SLC14A2: variants seen among roughly 807,000 people sequenced by gnomAD.
The protein encoded by SLC14A2 is solute carrier family 14 member 2, also known as urea transporter 2.
SLC14A2 carries 91 observed loss-of-function variants against 104.6 expected under a neutral mutation model. The observed-to-expected ratio is 0.87, with a 90% confidence interval of 0.73 to 1.04. SLC14A2 has a LOEUF of 1.04. Ranked by LOEUF, SLC14A2 falls within the 50% of genes least tolerant of loss-of-function variation. SLC14A2 has a pLI of 0.00. For synonymous variants in SLC14A2, 476 were observed against 466.4 expected, an observed-to-expected ratio of 1.02 and a Z score of -0.27; for missense variants, 1,189 against 1,156.0, an observed-to-expected ratio of 1.03 and a Z score of -0.41.
At chr18:45,554,547 G>A (rs2044103920) in intron 2 of SLC14A2, among the ~76,000 whole-genome samples, 1 of 152,116 alleles carries the variant, frequency 6.6e-6, no homozygotes, top group Non-Finnish European at 1.5e-5. Flanking sequence ...CAGCTGGAAG[G>A]GATCACAGAG....
chr18:45,515,010 T>G (rs2043418217), intron 2 of SLC14A2, among the ~76,000 whole-genome samples: 1 of 152,158 alleles, frequency 6.6e-6, no homozygotes, highest in Non-Finnish European at 1.5e-5. Context: ...AAGAACCCCA[T>G]GAAGCATCCT....
intron 2 of SLC14A2, among the ~76,000 whole-genome samples, chr18:45,505,876 G>A (rs1026277538): frequency 2.6e-5 from 4 of 152,188 alleles, no homozygotes; most frequent in African/African-American, 9.7e-5. Context: ...GTAGCTGACT[G>A]GGATGTGTGA....
At chr18:45,534,477 C>A (rs1266793209) in intron 2 of SLC14A2, among the ~76,000 whole-genome samples, 1 of 152,134 alleles carries the variant, frequency 6.6e-6, no homozygotes, top group East Asian at 1.9e-4. Flanking sequence ...GTAAGCAGGC[C>A]TCTGAGCTTC....
At position 45,644,149 on chromosome 18, in the gene SLC14A2, A is replaced by C; in HGVS notation, c.1340A>C (p.Lys447Thr). Residue 447 changes from lysine to threonine, a missense_variant, in exon 10 of 20, where the codon AAG becomes ACG. Coordinates refer to ENST00000255226, the MANE Select transcript of SLC14A2 (RefSeq NM_007163.4). ...YLTVKSGEEE[K>T]APSGGGGEHP... Reference sequence around the variant, plus strand: ...ACAGTGAAAAGCGGTGAAGAAGAGAAGGCCCCCAGCGGTGAATAGCCATGT... The same window carrying C: ...ACAGTGAAAAGCGGTGAAGAAGAGACGGCCCCCAGCGGTGAATAGCCATGT... 1 of 1,614,204 alleles carries C rather than the reference A, an allele frequency of 6.2e-7. No individual in the cohort carries two copies. Among genetic ancestry groups the C allele is most frequent in the Non-Finnish European group, 8.5e-7 (1 of 1,180,022 alleles).
chr18:45,256,700 G>A (rs1293272330), intron 1 of SLC14A2, among the ~76,000 whole-genome samples: 1 of 152,200 alleles, frequency 6.6e-6, no homozygotes, highest in Non-Finnish European at 1.5e-5. Flanking sequence ...AAATCCAACA[G>A]GAAACTTGCT....
At chr18:45,304,725 AACTAC>A (rs2144199427) in intron 1 of SLC14A2, among the ~76,000 whole-genome samples, 1 of 152,328 alleles carries the variant, frequency 6.6e-6, no homozygotes, top group South Asian at 2.1e-4. Context: ...AGAGCAGCCT[AACTAC>A]ACAGTCCTAC....
At chr18:45,316,559 G>A (rs938914485) in intron 1 of SLC14A2, among the ~76,000 whole-genome samples, 6 of 152,298 alleles carry the variant, frequency 3.9e-5, no homozygotes, top group South Asian at 2.1e-4. Context: ...CTGAGGACCC[G>A]ATATAAAGGT....
At chr18:45,602,320 A>G (rs1420877529) in intron 2 of SLC14A2, among the ~76,000 whole-genome samples, 1 of 152,182 alleles carries the variant, frequency 6.6e-6, no homozygotes, top group African/African-American at 2.4e-5. Context: ...CTCATTCCTT[A>G]TGGAGATTGG....
At chr18:45,561,725 A>G (rs1229856205) in intron 2 of SLC14A2, among the ~76,000 whole-genome samples, 1 of 152,182 alleles carries the variant, frequency 6.6e-6, no homozygotes, top group Non-Finnish European at 1.5e-5. Flanking sequence ...TGAATTGTAC[A>G]TATTTCTTTT....
At chr18:45,485,686 T>C (rs1297801496) in intron 2 of SLC14A2, among the ~76,000 whole-genome samples, 1 of 152,210 alleles carries the variant, frequency 6.6e-6, no homozygotes, top group Admixed American at 6.5e-5. Flanking sequence ...TTTTCTTCCC[T>C]TCAACTCTTT....
intron 16 of SLC14A2, among the ~76,000 whole-genome samples, chr18:45,670,561 T>G (rs1047285153): frequency 6.6e-6 from 1 of 152,198 alleles, no homozygotes; most frequent in Non-Finnish European, 1.5e-5. Context: ...CTCGTTTCTC[T>G]TAGCTTTCCA....
At chr18:45,299,481 A>G (rs1185866511) in intron 1 of SLC14A2, among the ~76,000 whole-genome samples, 1 of 152,012 alleles carries the variant, frequency 6.6e-6, no homozygotes, top group East Asian at 1.9e-4. Context: ...TATTTTTTCG[A>G]GATGGAGTCT....
At chr18:45,381,351 A>G (rs370092312) in intron 1 of SLC14A2, among the ~76,000 whole-genome samples, 62 of 152,236 alleles carry the variant, frequency 4.1e-4, no homozygotes, top group Non-Finnish European at 7.5e-4. Flanking sequence ...GAAAACAAAC[A>G]TATCTTTGAC....
intron 1 of SLC14A2, among the ~76,000 whole-genome samples, chr18:45,358,813 C>G (rs2085581336): frequency 6.6e-6 from 1 of 152,146 alleles, no homozygotes; most frequent in South Asian, 2.1e-4. Context: ...TGACCTCAAA[C>G]AGTCCTCCCA....
intron 1 of SLC14A2, among the ~76,000 whole-genome samples, chr18:45,306,457 C>T (rs868197980): frequency 3.3e-5 from 5 of 152,160 alleles, no homozygotes; most frequent in African/African-American, 4.8e-5. Flanking sequence ...ACCCTGCCCT[C>T]GTAGCATGAA....
chr18:45,240,091 CTTTTTTTTTTTTTTTT>C (rs763802776), intron 1 of SLC14A2, among the ~76,000 whole-genome samples: 6 of 89,638 alleles, frequency 6.7e-5, no homozygotes, highest in Non-Finnish European at 1.2e-4. Context: ...GCAAATATCT[CTTTTTTTTTTTTTTTT>C]TTTTTTTTTG....
At chr18:45,521,303 C>A (rs1056693594) in intron 2 of SLC14A2, among the ~76,000 whole-genome samples, 2 of 152,206 alleles carry the variant, frequency 1.3e-5, no homozygotes, top group Non-Finnish European at 2.9e-5. Flanking sequence ...AAGCTTACAG[C>A]CAAAGCATAC....
chr18:45,361,801 A>ATT (rs144040733), intron 1 of SLC14A2, among the ~76,000 whole-genome samples: 56 of 150,976 alleles, frequency 3.7e-4, no homozygotes, highest in South Asian at 1.0e-3. Flanking sequence ...TCTTGCAGTA[A>ATT]TTTTTTTTTT....
chr18:45,242,318 A>G (rs1256495868), intron 1 of SLC14A2, among the ~76,000 whole-genome samples: 2 of 152,182 alleles, frequency 1.3e-5, no homozygotes, highest in Non-Finnish European at 2.9e-5. Flanking sequence ...ATGCACCTCA[A>G]ATGTTGTAAA....
Sources: allele counts gnomAD v4.1 joint callset (sites outside exome capture counted in the v4.1 genomes callset), GRCh38; gene constraint gnomAD v4.1.1; transcripts MANE v1.5; gene names NCBI Gene and HGNC (gene_info 2026-07-23, HGNC 2026-07-21).